INPP4A: variants seen among roughly 807,000 people sequenced by gnomAD.
INPP4A encodes inositol polyphosphate-4-phosphatase type I A, also known as inositol polyphosphate-4-phosphatase, type I, 107kD.
INPP4A carries 33 observed loss-of-function variants against 119.8 expected under a neutral mutation model. The ratio of observed to expected loss-of-function variants is 0.28; its 90% CI spans 0.21 to 0.37. INPP4A has a LOEUF of 0.37. Among genes scored for constraint, INPP4A ranks in the 10% least tolerant of loss-of-function variants. INPP4A has a pLI of 1.00. For synonymous variants in INPP4A, 496 were observed against 500.7 expected, an observed-to-expected ratio of 0.99 and a Z score of 0.12; for missense variants, 956 against 1,289.9, an observed-to-expected ratio of 0.74 and a Z score of 3.97.
intron 16 of INPP4A, 64 bp downstream of exon 16, chr2:98,555,872 C>T (rs1694391535): frequency 4.7e-6 from 7 of 1,492,690 alleles, no homozygotes; most frequent in Non-Finnish European, 5.4e-6. Flanking sequence ...TTCCATTTGT[C>T]TGTGTCTCTG....
chr2:98,456,023 A>C (rs1696084232), intron 1 of INPP4A, among the ~76,000 whole-genome samples: 1 of 152,098 alleles, frequency 6.6e-6, no homozygotes, highest in Non-Finnish European at 1.5e-5. Context: ...CAACTACAGC[A>C]TTTTTGTAAG....
chr2:98,512,603 A>G (rs1030508367), intron 1 of INPP4A, among the ~76,000 whole-genome samples: 2 of 152,200 alleles, frequency 1.3e-5, no homozygotes, highest in African/African-American at 4.8e-5. Flanking sequence ...TAAACTCCCG[A>G]TTTATCGGGA....
Position 98,588,469 on chromosome 2 carries a change from A to G in INPP4A, c.*861A>G, listed in dbSNP as rs753571595. 1.4e-5 allele frequency: 3 copies of G among 209,256 alleles called. No individual in the cohort carries two copies. Among genetic ancestry groups the G allele is most frequent in the African/African-American group, 4.5e-5 (2 of 43,994 alleles). 13.0% of individuals were successfully genotyped at this position (209,256 alleles called of 1,614,324 possible). On this transcript the variant is annotated 3_prime_UTR_variant, in exon 25 of 25. Transcript: ENST00000409851. ...TCCCATGGGGAATTTATGACCATAG[A>G]GATAGTAGAAACCTAAATATTTTCA...
intron 24 of INPP4A, among the ~76,000 whole-genome samples, chr2:98,586,792 G>A (rs534748057): frequency 2.0e-5 from 3 of 152,320 alleles, no homozygotes; most frequent in East Asian, 3.9e-4. Flanking sequence ...GGAACACATG[G>A]GGGCAGCCCA....
At chr2:98,558,693 T>G (rs72821959) in intron 16 of INPP4A, among the ~76,000 whole-genome samples, 2,342 of 152,338 alleles carry the variant, frequency 0.015, 28 homozygotes, top group Middle Eastern at 0.024. Context: ...AAATGTTTTC[T>G]TCCATGATTC....
intron 1 of INPP4A, among the ~76,000 whole-genome samples, chr2:98,505,953 AAACAAT>A (rs920116939): frequency 6.6e-6 from 1 of 150,856 alleles, no homozygotes; most frequent in African/African-American, 2.4e-5. Context: ...TTTTTGACAG[AAACAAT>A]AACAATATTT....
intron 1 of INPP4A, among the ~76,000 whole-genome samples, chr2:98,445,861 A>G (rs1055603218): frequency 2.0e-5 from 3 of 152,234 alleles, no homozygotes; most frequent in Non-Finnish European, 4.4e-5. Context: ...AGAAAGACCT[A>G]TATGTGGTAG....
chr2:98,486,544 G>A (rs954957608), intron 1 of INPP4A, among the ~76,000 whole-genome samples: 1 of 152,234 alleles, frequency 6.6e-6, no homozygotes, highest in Non-Finnish European at 1.5e-5. Context: ...TCCTGTTCTG[G>A]CAGAAGTTCC....
chr2:98,558,220 C>G (rs1464162336), intron 16 of INPP4A, among the ~76,000 whole-genome samples: 1 of 152,206 alleles, frequency 6.6e-6, no homozygotes, highest in Non-Finnish European at 1.5e-5. Flanking sequence ...TGGTCCCAAC[C>G]TAGCTGTTTG....
intron 1 of INPP4A, among the ~76,000 whole-genome samples, chr2:98,454,938 A>C (rs1695861584): frequency 1.3e-5 from 2 of 152,206 alleles, no homozygotes; most frequent in Non-Finnish European, 2.9e-5. Context: ...TGCTCTGTGT[A>C]TACAAATGTT....
chr2:98,507,227 C>T (rs989059401), intron 1 of INPP4A, among the ~76,000 whole-genome samples: 8 of 152,332 alleles, frequency 5.3e-5, no homozygotes, highest in African/African-American at 1.7e-4. Context: ...CCCATCCCAT[C>T]CCTCACATTA....
At position 98,520,106 on chromosome 2, in the gene INPP4A, G is replaced by T; in HGVS notation, c.58G>T (p.Ala20Ser). 6.3e-7 allele frequency: 1 copy of T among 1,576,106 alleles called. No homozygotes were observed. Among genetic ancestry groups the T allele is most frequent in the Admixed American group, 1.8e-5 (1 of 55,260 alleles). The change falls in exon 3 of 25, where the codon GCT (alanine) becomes TCT (serine). Residue 20 changes from alanine to serine, a missense_variant. Transcript: ENST00000409851. ...HGARARAMQR[A>S]STIDVAADML... ...TGCCAGGGCCCGTGCAATGCAGCGG[G>T]CTTCCACCATCGACGTGGCGGCCGA...
At chr2:98,456,453 C>T (rs1696154022) in intron 1 of INPP4A, among the ~76,000 whole-genome samples, 1 of 152,164 alleles carries the variant, frequency 6.6e-6, no homozygotes, top group African/African-American at 2.4e-5. Context: ...CCTGCCTCAG[C>T]CTCCCAAGTA....
At chr2:98,522,902 CA>C (rs752452000) in intron 4 of INPP4A, among the ~76,000 whole-genome samples, 19 of 152,218 alleles carry the variant, frequency 1.2e-4, no homozygotes, top group Non-Finnish European at 2.4e-4. Flanking sequence ...TCTGCCCAAC[CA>C]GACTATCAGT....
At chr2:98,490,155 C>G (rs1400124821) in intron 1 of INPP4A, among the ~76,000 whole-genome samples, 3 of 151,984 alleles carry the variant, frequency 2.0e-5, no homozygotes, top group African/African-American at 7.2e-5. Context: ...AGCAGGAAGA[C>G]TCCATGTGTT....
intron 1 of INPP4A, among the ~76,000 whole-genome samples, chr2:98,487,731 G>A (rs1441778483): frequency 1.3e-5 from 2 of 152,178 alleles, no homozygotes; most frequent in Non-Finnish European, 2.9e-5. Flanking sequence ...GAAGGTTGGA[G>A]GTTTTATAAA....
intron 1 of INPP4A, among the ~76,000 whole-genome samples, chr2:98,486,998 A>G (rs1679688819): frequency 6.6e-6 from 1 of 152,258 alleles, no homozygotes; most frequent in Non-Finnish European, 1.5e-5. Context: ...GGGGAAAAAA[A>G]GCAAAGACTA....
chr2:98,459,978 A>T (rs1355323720), intron 1 of INPP4A, among the ~76,000 whole-genome samples: 1 of 152,202 alleles, frequency 6.6e-6, no homozygotes, highest in African/African-American at 2.4e-5. Context: ...CAAAGGCAGA[A>T]GCCTGTTCTC....
chr2:98,539,506 C>G, intron 9 of INPP4A, 22 bp from the exon 10 acceptor site: 2 of 1,594,704 alleles, frequency 1.3e-6, no homozygotes, highest in Non-Finnish European at 1.7e-6. Flanking sequence ...TGCAGCCTGT[C>G]TCCCTTGTCA....
Sources: gnomAD v4.1 joint callset for allele counts (sites outside exome capture counted in the v4.1 genomes callset) on GRCh38, gnomAD v4.1.1 for gene constraint, MANE v1.5 for transcripts, NCBI Gene and HGNC (gene_info 2026-07-23, HGNC 2026-07-21) for gene names.